Variants in ANKFN1 observed in about 807,000 individuals in gnomAD.
ANKFN1 encodes the protein ankyrin repeat and fibronectin type III domain containing 1.
Under a neutral mutation model 108.7 loss-of-function variants are expected in ANKFN1, and 74 were observed. The ratio of observed to expected loss-of-function variants is 0.68; its 90% confidence interval spans 0.56 to 0.83. ANKFN1 has a LOEUF of 0.83. Ranked by LOEUF, ANKFN1 falls within the 40% of genes least tolerant of loss-of-function variation. The probability of loss-of-function intolerance (pLI) is 0.00; values close to 1 mark genes in which losing one functional copy is unlikely to be tolerated. For synonymous variants in ANKFN1, 547 were observed against 516.2 expected, an observed-to-expected ratio of 1.06 and a Z score of -0.81; for missense variants, 1,505 against 1,382.3, an observed-to-expected ratio of 1.09 and a Z score of -1.41.
intron 4 of ANKFN1, among the ~76,000 whole-genome samples, chr17:56,146,260 C>T (rs1908257001): frequency 6.6e-6 from 1 of 152,306 alleles, no homozygotes; most frequent in Middle Eastern, 3.4e-3. Flanking sequence ...TCATGGCTGG[C>T]ATTGAGTGTC....
rs140791273 is a variant in ANKFN1 at position 56,119,898 on chromosome 17, C to T, written c.288+73573C>T. 1.8e-4 allele frequency among the ~76,000 whole-genome samples: 28 copies of T among 152,256 alleles called. 1 individual carries two copies. The highest frequency in any genetic ancestry group is 6.5e-4 in the African/African-American group (27 of 41,546). ...CATATGAAAAGTCATTATTATCACA[C>T]CTGGCACATAGACAGCTCCCAATAA... On this transcript the variant is annotated intron_variant, in intron 4 of 12. Coordinates refer to the ANKFN1 transcript ENST00000635860.
chr17:56,233,956 G>A (rs1273637980), intron 3 of ANKFN1, among the ~76,000 whole-genome samples: 1 of 152,264 alleles, frequency 6.6e-6, no homozygotes, highest in African/African-American at 2.4e-5. Flanking sequence ...CTGGATAAGA[G>A]TTTTGAATAC....
chr17:56,511,600 G>C lies in ANKFN1; in HGVS notation c.*331G>C. ...CCAAAGAGAGACCCTCTGTTCTGCA[G>C]CTGGTTCTGTAATCTGACCCCTAGT... is the stretch of plus-strand genomic sequence containing the variant. On this transcript the variant is annotated 3_prime_UTR_variant, in exon 21 of 21. Coordinates refer to ENST00000682825, the MANE Select transcript of ANKFN1 (RefSeq NM_001370326.1). The C allele has an allele frequency of 8.2e-6, 2 of 243,594 alleles. No homozygotes were observed. The allele number at this position is 243,594 out of a possible 1,614,324, so 15.1% of individuals were successfully genotyped here.
At chr17:56,347,875 A>G (rs1395889357) in intron 4 of ANKFN1, among the ~76,000 whole-genome samples, 1 of 152,044 alleles carries the variant, frequency 6.6e-6, no homozygotes, top group Non-Finnish European at 1.5e-5. Context: ...TTAGAGGGCA[A>G]GTAGCTGGAA....
chr17:56,178,752 G>A (rs1016339362), intron 1 of ANKFN1, among the ~76,000 whole-genome samples: 1 of 152,034 alleles, frequency 6.6e-6, no homozygotes, highest in African/African-American at 2.4e-5. Context: ...TCATTTACCT[G>A]GTTTTTGCAG....
chr17:56,312,748 A>G (rs1249520521), intron 3 of ANKFN1, among the ~76,000 whole-genome samples: 1 of 152,248 alleles, frequency 6.6e-6, no homozygotes, highest in Non-Finnish European at 1.5e-5. Context: ...TTGGGGTATT[A>G]TAGTGAATAA....
At chr17:56,233,269 A>T (rs915778127) in intron 3 of ANKFN1, among the ~76,000 whole-genome samples, 1 of 152,136 alleles carries the variant, frequency 6.6e-6, no homozygotes, top group Non-Finnish European at 1.5e-5. Context: ...TATTGACTTC[A>T]ACTAATAATT....
At chr17:56,247,009 G>A (rs1024558562) in intron 3 of ANKFN1, among the ~76,000 whole-genome samples, 3 of 152,196 alleles carry the variant, frequency 2.0e-5, no homozygotes, top group Admixed American at 6.6e-5. Context: ...TCAAGCTGAA[G>A]TTAAAGATCT....
At chr17:56,279,736 G>T (rs749812329) in intron 3 of ANKFN1, among the ~76,000 whole-genome samples, 2 of 152,174 alleles carry the variant, frequency 1.3e-5, no homozygotes, top group African/African-American at 2.4e-5. Context: ...AGTGGTTGTT[G>T]ATTTTTAAGG....
chr17:56,507,295 G>A (rs572541068), intron 20 of ANKFN1, among the ~76,000 whole-genome samples: 2 of 152,246 alleles, frequency 1.3e-5, no homozygotes, highest in South Asian at 4.1e-4. Flanking sequence ...GAATATCAAA[G>A]TTATTTAGCC....
At chr17:56,170,617 G>A (rs911159977) in intron 1 of ANKFN1, among the ~76,000 whole-genome samples, 5 of 150,970 alleles carry the variant, frequency 3.3e-5, no homozygotes, top group African/African-American at 9.8e-5. Flanking sequence ...ACAAAAATTA[G>A]CCATGCATGG....
intron 3 of ANKFN1, among the ~76,000 whole-genome samples, chr17:56,234,778 A>G (rs1916991814): frequency 6.6e-6 from 1 of 152,098 alleles, no homozygotes; most frequent in South Asian, 2.1e-4. Context: ...TTGATTCCAT[A>G]TAATTACTAT....
intron 4 of ANKFN1, among the ~76,000 whole-genome samples, chr17:56,113,454 G>A (rs971055212): frequency 4.6e-5 from 7 of 152,182 alleles, no homozygotes; most frequent in Admixed American, 6.6e-5. Flanking sequence ...AGAATGGAAA[G>A]GGCCCCTATT....
chr17:56,405,136 G>A (rs1038132597), intron 8 of ANKFN1, among the ~76,000 whole-genome samples: 1 of 152,232 alleles, frequency 6.6e-6, no homozygotes, highest in Non-Finnish European at 1.5e-5. Context: ...TTTTGTGCTG[G>A]TTGGCCTCCG....
intron 1 of ANKFN1, among the ~76,000 whole-genome samples, chr17:56,168,145 T>C (rs1164415017): frequency 6.6e-6 from 1 of 151,542 alleles, no homozygotes; most frequent in African/African-American, 2.4e-5. Flanking sequence ...TGCATGCCTG[T>C]AGTCCCAGCT....
At chr17:56,503,665 G>A (rs1003829758) in intron 20 of ANKFN1, among the ~76,000 whole-genome samples, 2 of 151,798 alleles carry the variant, frequency 1.3e-5, no homozygotes, top group African/African-American at 2.4e-5. Flanking sequence ...TTCCTGAAAT[G>A]TCATCTCCCC....
At chr17:56,160,850 A>G (rs979967701) in intron 1 of ANKFN1, among the ~76,000 whole-genome samples, 24 of 152,216 alleles carry the variant, frequency 1.6e-4, no homozygotes, top group Non-Finnish European at 4.4e-5. Context: ...TTAGAGGTGA[A>G]GAAGGAATGA....
chr17:56,344,053 G>A (rs1024604558), intron 4 of ANKFN1, among the ~76,000 whole-genome samples: 6 of 151,860 alleles, frequency 4.0e-5, no homozygotes, highest in African/African-American at 1.5e-4. Context: ...TGTGTAGTAA[G>A]CCCAATATTT....
intron 3 of ANKFN1, among the ~76,000 whole-genome samples, chr17:56,307,291 A>T (rs1210711708): frequency 6.6e-6 from 1 of 152,226 alleles, no homozygotes; most frequent in Non-Finnish European, 1.5e-5. Context: ...TGAACAGGCA[A>T]CCTACAGAAT....
Sources: allele counts gnomAD v4.1 joint callset (sites outside exome capture counted in the v4.1 genomes callset), GRCh38; gene constraint gnomAD v4.1.1; transcripts MANE v1.5; gene names NCBI Gene and HGNC (gene_info 2026-07-23, HGNC 2026-07-21).